The following MERTK variants were observed in gnomAD, a reference collection of about 807,000 sequenced individuals.
MERTK encodes the protein MER proto-oncogene, tyrosine kinase.
A neutral mutation model predicts 99.3 loss-of-function variants in MERTK; 69 were observed. The observed-to-expected ratio is 0.70, with a 90% CI of 0.57 to 0.85. The LOEUF is 0.85. Among genes scored for constraint, MERTK ranks in the 40% least tolerant of loss-of-function variants. The probability of loss-of-function intolerance (pLI) is 0.00; values close to 1 mark genes in which losing one functional copy is unlikely to be tolerated. For missense variants in MERTK, 1,125 were observed against 1,249.4 expected, an observed-to-expected ratio of 0.90 and a Z score of 1.50; for synonymous variants, 426 against 467.6, an observed-to-expected ratio of 0.91 and a Z score of 1.15.
At chr2:112,004,302 T>C (rs1676936540) in intron 13 of MERTK, among the ~76,000 whole-genome samples, 1 of 152,114 alleles carries the variant, frequency 6.6e-6, no homozygotes, top group Non-Finnish European at 1.5e-5. Context: ...AACTCCAAAG[T>C]AGAGCATCAA....
At position 111,947,445 on chromosome 2, in the gene MERTK, C is replaced by A. The variant is rs1374932437; in HGVS notation, c.635C>A (p.Thr212Lys). 1 of 1,614,168 alleles carries A rather than the reference C, an allele frequency of 6.2e-7. No homozygotes were observed. The highest frequency in any genetic ancestry group is 2.2e-5 in the East Asian group (1 of 44,874). Residue 212 changes from threonine (T) to lysine (K), a missense_variant, in exon 4 of 19, where the codon ACA (threonine) becomes AAA (lysine). Coordinates refer to ENST00000295408, the MANE Select transcript of MERTK (RefSeq NM_006343.3). Reference protein sequence around the residue: ...QPESMNVTRNTAFNLTCQAVG... With the variant: ...QPESMNVTRNKAFNLTCQAVG... Reference sequence around the variant, plus strand: ...GAGAGCATGAATGTCACCAGAAACACAGCCTTCAACCTCACCTGTCAGGCT... The same window carrying A: ...GAGAGCATGAATGTCACCAGAAACAAAGCCTTCAACCTCACCTGTCAGGCT...
intron 7 of MERTK, among the ~76,000 whole-genome samples, chr2:111,981,738 TACACACACAC>T (rs397873336): frequency 8.0e-5 from 2 of 25,016 alleles, no homozygotes; most frequent in African/African-American, 1.7e-4. Flanking sequence ...TACACTCGTG[TACACACACAC>T]ACACACACAC....
At chr2:112,014,522 T>C (rs962832878) in intron 15 of MERTK, among the ~76,000 whole-genome samples, 3 of 142,414 alleles carry the variant, frequency 2.1e-5, no homozygotes, top group African/African-American at 7.6e-5. Flanking sequence ...CATGTTATTG[T>C]ACAAGAGTGC....
rs1315795764 is a variant in MERTK at position 112,028,667 on chromosome 2, A to G, written c.2803A>G (p.Ser935Gly). The G allele has an allele frequency of 6.2e-7, 1 of 1,614,098 alleles. No homozygotes were observed. Among genetic ancestry groups the G allele is most frequent in the East Asian group, 2.2e-5 (1 of 44,904 alleles). ...HEGRYILNGG[S>G]EEWEDLTSAP... ...AGGACGGTACATCCTGAATGGGGGC[A>G]GTGAGGAATGGGAAGATCTGACTTC... Residue 935 changes from serine to glycine, a missense_variant, in exon 19 of 19, where the codon AGT (serine) becomes GGT (glycine). Ser to Gly is a moderately conservative substitution (Grantham distance 56). Transcript: ENST00000295408.
intron 2 of MERTK, among the ~76,000 whole-genome samples, chr2:111,931,704 A>G (rs11902247): frequency 0.21 from 32,138 of 149,984 alleles, 3,967 homozygotes; most frequent in South Asian, 0.32. Flanking sequence ...AAAAAAAAAA[A>G]GAAGTGAATG....
intron 2 of MERTK, chr2:111,941,006 AG>A: frequency 1.8e-6 from 1 of 564,588 alleles, no homozygotes; most frequent in South Asian, 1.6e-5. Context: ...GGGTTGTGGT[AG>A]TCAAGAGCCG....
chr2:111,997,485 C>G lies in MERTK; in HGVS notation c.1604+9C>G, dbSNP rs766906304. On this transcript the variant is annotated intron_variant, in intron 10 of 18. Transcript: ENST00000295408. ...CAGGAGACAAAGTTTGGGTAAGTCT[C>G]CCAGCTAAAAATGTTTGCCCACTGG... 2.5e-6 allele frequency: 4 copies of G among 1,612,904 alleles called. No homozygotes were observed. In the South Asian group the frequency reaches 4.4e-5, roughly 18 times the overall value.
At chr2:111,989,513 G>T (rs191233119) in intron 8 of MERTK, among the ~76,000 whole-genome samples, 2 of 152,054 alleles carry the variant, frequency 1.3e-5, no homozygotes, top group Admixed American at 1.3e-4. Context: ...CCGCCACCAC[G>T]CCCGGCTAAT....
intron 8 of MERTK, among the ~76,000 whole-genome samples, chr2:111,985,753 C>CG (rs1446395614): frequency 6.6e-6 from 1 of 152,056 alleles, no homozygotes; most frequent in Non-Finnish European, 1.5e-5. Flanking sequence ...GAGAACAGCA[C>CG]GGGAAAACCC....
intron 1 of MERTK, among the ~76,000 whole-genome samples, chr2:111,917,487 C>T (rs943163774): frequency 1.3e-5 from 2 of 152,168 alleles, no homozygotes; most frequent in African/African-American, 4.8e-5. Context: ...TAGTCTAGGA[C>T]ATATGGGGCA....
At chr2:111,937,247 C>T (rs2104694790) in intron 2 of MERTK, among the ~76,000 whole-genome samples, 1 of 151,636 alleles carries the variant, frequency 6.6e-6, no homozygotes, top group Middle Eastern at 3.4e-3. Flanking sequence ...GAGTTCGAGA[C>T]CAGCCCGAGC....
intron 6 of MERTK, among the ~76,000 whole-genome samples, chr2:111,974,477 A>T (rs1367061754): frequency 6.6e-6 from 1 of 151,966 alleles, no homozygotes; most frequent in Non-Finnish European, 1.5e-5. Context: ...ATAAAAAGAA[A>T]GATTAAGAAA....
chr2:112,022,706 C>T, intron 18 of MERTK: 1 of 529,590 alleles, frequency 1.9e-6, no homozygotes, highest in South Asian at 1.7e-5. Flanking sequence ...GGAAATATAT[C>T]CACAGATAAT....
At chr2:111,915,570 T>C (rs56822761) in intron 1 of MERTK, among the ~76,000 whole-genome samples, 2 of 105,416 alleles carry the variant, frequency 1.9e-5, no homozygotes, top group East Asian at 4.1e-4. Flanking sequence ...ACGTATTTTT[T>C]AAAATTTTTT....
chr2:111,909,199 G>A (rs1005796741), intron 1 of MERTK, among the ~76,000 whole-genome samples: 1 of 152,092 alleles, frequency 6.6e-6, no homozygotes, highest in Non-Finnish European at 1.5e-5. Flanking sequence ...AGCCACTATT[G>A]TGGCAGGCCA....
chr2:111,997,833 C>T (rs1450360805), intron 10 of MERTK, among the ~76,000 whole-genome samples: 1 of 152,328 alleles, frequency 6.6e-6, no homozygotes, highest in Non-Finnish European at 1.5e-5. Flanking sequence ...AGGCGGATCA[C>T]TTGAGGTCAG....
rs566352054 is a variant in MERTK at position 112,011,349 on chromosome 2, C to T, written c.2079+1283C>T. On this transcript the variant is annotated intron_variant, in intron 15 of 18. Transcript: ENST00000295408. Reference sequence around the variant, plus strand: ...CCAGTGTGGTGGAGTTCTGCACACTCCCCTGTATCTACAAACCTGGGGTGA... The same window carrying T: ...CCAGTGTGGTGGAGTTCTGCACACTTCCCTGTATCTACAAACCTGGGGTGA... 1.2e-4 allele frequency among the ~76,000 whole-genome samples: 19 copies of T among 152,302 alleles called. 1 individual carries two copies. The highest frequency in any genetic ancestry group is 4.3e-4 in the African/African-American group (18 of 41,556).
At chr2:111,940,634 T>A (rs962508721) in intron 2 of MERTK, 6 of 676,314 alleles carry the variant, frequency 8.9e-6, no homozygotes, top group Non-Finnish European at 1.7e-5. Flanking sequence ...GCCAAAGCCA[T>A]TACACCAGGC....
At chr2:111,968,710 G>A (rs1438061535) in intron 6 of MERTK, among the ~76,000 whole-genome samples, 1 of 152,122 alleles carries the variant, frequency 6.6e-6, no homozygotes. Flanking sequence ...TGCATTTTTA[G>A]TAGAGATGGG....
Sources: gnomAD v4.1 joint callset for allele counts (sites outside exome capture counted in the v4.1 genomes callset) on GRCh38, gnomAD v4.1.1 for gene constraint, MANE v1.5 for transcripts, NCBI Gene and HGNC (gene_info 2026-07-23, HGNC 2026-07-21) for gene names.